The following PRXL2A variants were observed in gnomAD, a reference collection of about 807,000 sequenced individuals.
PRXL2A encodes peroxiredoxin-like 2A.
A neutral mutation model predicts 25.6 loss-of-function variants in PRXL2A; 26 were observed. That is an observed-to-expected ratio of 1.02 (90% CI 0.74 to 1.41). The LOEUF (loss-of-function observed/expected upper bound fraction) is 1.41, where lower values mean the gene tolerates loss of function less well. Ranked by LOEUF, PRXL2A falls within the 40% of genes most tolerant of loss-of-function variation. PRXL2A has a pLI of 0.00. For synonymous variants in PRXL2A, 98 were observed against 102.9 expected (o/e 0.95, Z 0.29); for missense variants, 246 against 273.9 (o/e 0.90, Z 0.72).
rs1845289593 is a variant in PRXL2A, at chr10:80,432,271, C to T, written c.*172C>T. 1 of 515,228 alleles carries T rather than the reference C, an allele frequency of 1.9e-6. No homozygotes were observed. The highest frequency in any genetic ancestry group is 2.0e-5 in the African/African-American group (1 of 49,916). 31.9% of individuals were successfully genotyped at this position (515,228 alleles called of 1,614,324 possible). A position where few individuals can be genotyped will look rare whatever the true frequency, so the allele number is the denominator to read the frequency against. On this transcript the variant is annotated 3_prime_UTR_variant, in exon 6 of 6. Transcript: ENST00000606162. ...TTTAGGCCCACTAAGGCAAAATAGC[C>T]CCAAAACAAGACTGACAAAAATCTG...
rs202047658 is a variant in PRXL2A at position 80,422,541 on chromosome 10, G to A, written c.270+33G>A. 19 of 1,552,774 alleles carry A rather than the reference G, an allele frequency of 1.2e-5. No individual in the cohort carries two copies. The African/African-American group carries it at 2.2e-4, about 18-fold the overall frequency. On this transcript the variant is annotated intron_variant, in intron 3 of 5. Transcript: ENST00000606162. ...CAGATGAGGATCTATTCAGAGAAAGGGATCCTGGCAAGTAGGGGCCATTGT... is the reference window on the plus strand; with the variant it reads ...CAGATGAGGATCTATTCAGAGAAAGAGATCCTGGCAAGTAGGGGCCATTGT...
In PRXL2A at chr10:80,410,742, T is replaced by G. The variant is rs186971550; in HGVS notation, c.-3+2099T>G. On this transcript the variant is annotated intron_variant, in intron 1 of 5. Coordinates refer to ENST00000606162, the MANE Select transcript of PRXL2A (RefSeq NM_032333.5). ...CCAGGATTATTGGCTTTTAGCCCAG[T>G]GTCTTCTGTGGTATTGCCTTGCCTT... Among the ~76,000 whole-genome samples the G allele has an allele frequency of 3.6e-3, 550 of 152,340 alleles. 3 individuals carry two copies. Among genetic ancestry groups the G allele is most frequent in the African/African-American group, 0.013 (538 of 41,584 alleles).
intron 1 of PRXL2A, among the ~76,000 whole-genome samples, chr10:80,416,551 C>G (rs1844666762): frequency 6.6e-6 from 1 of 152,108 alleles, no homozygotes; most frequent in Non-Finnish European, 1.5e-5. Flanking sequence ...TTAAAGAGGC[C>G]TCTGAGTTGT....
intron 1 of PRXL2A, 176 bp from the exon 2 acceptor site, chr10:80,420,290 G>A: frequency 7.4e-7 from 1 of 1,352,874 alleles, no homozygotes; most frequent in Non-Finnish European, 9.5e-7. Context: ...GCATCCCCAA[G>A]TTCTGGTGGC....
intron 1 of PRXL2A, among the ~76,000 whole-genome samples, chr10:80,416,040 A>G (rs1384717315): frequency 6.6e-6 from 1 of 152,262 alleles, no homozygotes; most frequent in Non-Finnish European, 1.5e-5. Context: ...TCAGAAATCC[A>G]GGAACATTTT....
At chr10:80,420,349 T>C (rs1299281499) in intron 1 of PRXL2A, 117 bp from the exon 2 acceptor site, 1 of 1,472,956 alleles carries the variant, frequency 6.8e-7, no homozygotes, top group African/African-American at 1.4e-5. Flanking sequence ...ACACTGCTGC[T>C]CCCTTCCCCT....
At chr10:80,413,690 G>C (rs1314825476) in intron 1 of PRXL2A, 1 of 201,508 alleles carries the variant, frequency 5.0e-6, no homozygotes, top group African/African-American at 2.4e-5. Context: ...ATGTTTTCTG[G>C]AGACTGACTG....
At chr10:80,421,401 G>C (rs930407463) in intron 2 of PRXL2A, among the ~76,000 whole-genome samples, 1 of 152,226 alleles carries the variant, frequency 6.6e-6, no homozygotes, top group African/African-American at 2.4e-5. Flanking sequence ...TGTGGCAAGA[G>C]AGTTGGAGTG....
chr10:80,422,616 C>A, intron 3 of PRXL2A, 108 bp downstream of exon 3: 1 of 746,172 alleles, frequency 1.3e-6, no homozygotes, highest in Non-Finnish European at 2.2e-6. Flanking sequence ...CTTTTACCCA[C>A]ATGTTCTGTT....
intron 1 of PRXL2A, chr10:80,413,859 G>T (rs767860029): frequency 2.1e-5 from 26 of 1,229,920 alleles, no homozygotes; most frequent in Non-Finnish European, 2.7e-5. Flanking sequence ...AGAAGCAGAG[G>T]TGTGGACGCT....
intron 3 of PRXL2A, 114 bp downstream of exon 3, chr10:80,422,622 C>A: frequency 1.5e-6 from 1 of 687,188 alleles, no homozygotes; most frequent in Non-Finnish European, 2.4e-6. Flanking sequence ...CCCACATGTT[C>A]TGTTCTGTTA....
chr10:80,411,306 T>C (rs568086662), intron 1 of PRXL2A, among the ~76,000 whole-genome samples: 3 of 152,330 alleles, frequency 2.0e-5, no homozygotes, highest in Admixed American at 6.5e-5. Flanking sequence ...TTACCAAGGA[T>C]TGGGCTTGGG....
At chr10:80,416,421 A>G (rs1844662831) in intron 1 of PRXL2A, among the ~76,000 whole-genome samples, 1 of 152,228 alleles carries the variant, frequency 6.6e-6, no homozygotes, top group Non-Finnish European at 1.5e-5. Flanking sequence ...TGTCAAGCAC[A>G]TCAGAAGAAA....
chr10:80,409,286 A>T (rs1020826585), intron 1 of PRXL2A, among the ~76,000 whole-genome samples: 41 of 152,272 alleles, frequency 2.7e-4, no homozygotes, highest in Admixed American at 2.2e-3. Context: ...ATCTGCCCCC[A>T]GGGTTGTTGC....
chr10:80,430,966 T>A (rs1231027450), intron 5 of PRXL2A, among the ~76,000 whole-genome samples: 1 of 152,196 alleles, frequency 6.6e-6, no homozygotes, highest in Non-Finnish European at 1.5e-5. Context: ...CTCGGCTCAC[T>A]GCAACCTCCG....
At position 80,432,310 on chromosome 10, in the gene PRXL2A, GATT is replaced by G. The variant is rs1845291251; in HGVS notation, c.*216_*218del. 2.0e-6 allele frequency: 1 copy of G among 493,806 alleles called. No homozygotes were observed. The highest frequency in any genetic ancestry group is 3.5e-6 in the Non-Finnish European group (1 of 285,378). 30.6% of individuals were successfully genotyped at this position (493,806 alleles called of 1,614,324 possible). On this transcript the variant is annotated 3_prime_UTR_variant, in exon 6 of 6. Coordinates refer to ENST00000606162, the MANE Select transcript of PRXL2A (RefSeq NM_032333.5). ...GACAAAAATCTGAAAAACTAATGAGGATTATTAAGCTAAAACCTGGGAAATAGG... is the reference window on the plus strand; with the variant it reads ...GACAAAAATCTGAAAAACTAATGAGGATTAAGCTAAAACCTGGGAAATAGG...
chr10:80,426,074 T>G, intron 4 of PRXL2A, 68 bp downstream of exon 4: 1 of 1,596,148 alleles, frequency 6.3e-7, no homozygotes, highest in Non-Finnish European at 8.6e-7. Context: ...GATAGTCAGG[T>G]GGCCCAGGTA....
intron 4 of PRXL2A, 137 bp downstream of exon 4, chr10:80,426,143 T>A: frequency 1.0e-6 from 1 of 987,516 alleles, no homozygotes; most frequent in Non-Finnish European, 1.5e-6. Context: ...TTGCAAGGCC[T>A]TTTTCAGCCC....
At position 80,425,956 on chromosome 10, in the gene PRXL2A, G is replaced by A. The variant is rs141324021; in HGVS notation, c.361G>A (p.Val121Met). The part of the protein sequence containing the change: ...AVVKEHIRTE[V>M]KDFQPYFKGE... ...GGTAAAGGAGCACATCAGGACTGAA[G>A]TGAAGGATTTCCAGCCTTATTTCAA... Residue 121 changes from valine (V) to methionine (M), a missense_variant, in exon 4 of 6, where the codon GTG becomes ATG. Coordinates refer to ENST00000606162, the MANE Select transcript of PRXL2A (RefSeq NM_032333.5). 5.4e-5 allele frequency: 87 copies of A among 1,614,278 alleles called. No homozygotes were observed. In the African/African-American group the frequency reaches 1.0e-3, roughly 19 times the overall value.
Sources: gnomAD v4.1 joint callset for allele counts (sites outside exome capture counted in the v4.1 genomes callset) on GRCh38, gnomAD v4.1.1 for gene constraint, MANE v1.5 for transcripts, NCBI Gene and HGNC (gene_info 2026-07-23, HGNC 2026-07-21) for gene names.